EXOC4: variants seen among roughly 807,000 people sequenced by gnomAD.
EXOC4 encodes exocyst complex component 4, also known as SEC8-like 1.
A neutral mutation model predicts 107.2 loss-of-function variants in EXOC4; 71 were observed. The ratio of observed to expected loss-of-function variants is 0.66; its 90% CI spans 0.55 to 0.81. EXOC4 has a LOEUF of 0.81. EXOC4 is among the 30% of genes least tolerant of loss of function. EXOC4 has a pLI of 0.00. For missense variants in EXOC4, 1,108 were observed against 1,189.6 expected, an observed-to-expected ratio of 0.93 and a Z score of 1.01; for synonymous variants, 456 against 441.2, an observed-to-expected ratio of 1.03 and a Z score of -0.42.
At chr7:133,839,682 A>C (rs1797986569) in intron 11 of EXOC4, among the ~76,000 whole-genome samples, 1 of 152,216 alleles carries the variant, frequency 6.6e-6, no homozygotes, top group African/African-American at 2.4e-5. Context: ...TCCTGTAGTG[A>C]CAGGTGCTTT....
At chr7:133,925,013 A>G (rs1585252846) in intron 13 of EXOC4, among the ~76,000 whole-genome samples, 1 of 152,244 alleles carries the variant, frequency 6.6e-6, no homozygotes, top group Admixed American at 6.5e-5. Context: ...GACACTCTTC[A>G]TTGATATTCC....
At chr7:133,589,510 G>T (rs1298219921) in intron 9 of EXOC4, among the ~76,000 whole-genome samples, 3 of 152,186 alleles carry the variant, frequency 2.0e-5, no homozygotes, top group Non-Finnish European at 4.4e-5. Flanking sequence ...AAGTGCTTCA[G>T]GATCTTGATT....
intron 11 of EXOC4, among the ~76,000 whole-genome samples, chr7:133,820,165 T>TTTTTTTTTTTTTTTTA: frequency 6.6e-6 from 1 of 151,062 alleles, no homozygotes. Flanking sequence ...TTTTTTTTTT[T>TTTTTTTTTTTTTTTTA]TTTTTTTTTT....
At chr7:134,008,383 A>G (rs1794692697) in intron 17 of EXOC4, among the ~76,000 whole-genome samples, 1 of 152,136 alleles carries the variant, frequency 6.6e-6, no homozygotes, top group Non-Finnish European at 1.5e-5. Context: ...CTCCTTGAAA[A>G]CGTTACTTTT....
At chr7:133,898,270 T>C (rs1042369450) in intron 12 of EXOC4, among the ~76,000 whole-genome samples, 1 of 152,072 alleles carries the variant, frequency 6.6e-6, no homozygotes, top group African/African-American at 2.4e-5. Context: ...ATATAGTTTT[T>C]CAAAATTATT....
intron 12 of EXOC4, among the ~76,000 whole-genome samples, chr7:133,915,766 G>A (rs1799795737): frequency 6.6e-6 from 1 of 152,160 alleles, no homozygotes; most frequent in Non-Finnish European, 1.5e-5. Context: ...AGAGGGAATA[G>A]AAAATAGTAG....
At chr7:133,785,676 G>T (rs1164472464) in intron 10 of EXOC4, among the ~76,000 whole-genome samples, 16 of 37,190 alleles carry the variant, frequency 4.3e-4, no homozygotes, top group South Asian at 2.7e-3. Context: ...TTTTGTTTTT[G>T]TTTTTGTTTT....
chr7:133,482,347 G>A (rs1172667014), intron 9 of EXOC4, among the ~76,000 whole-genome samples: 3 of 152,038 alleles, frequency 2.0e-5, no homozygotes, highest in Non-Finnish European at 4.4e-5. Flanking sequence ...TAGTGAACAG[G>A]CAGAGCATGT....
At chr7:133,601,015 T>C (rs947962318) in intron 9 of EXOC4, among the ~76,000 whole-genome samples, 2 of 152,202 alleles carry the variant, frequency 1.3e-5, no homozygotes, top group African/African-American at 4.8e-5. Flanking sequence ...CAGGGAATAA[T>C]CCTGGGTTGT....
At chr7:134,019,076 C>T (rs897015827) in intron 17 of EXOC4, among the ~76,000 whole-genome samples, 3 of 152,082 alleles carry the variant, frequency 2.0e-5, no homozygotes, top group South Asian at 2.1e-4. Flanking sequence ...ATTAAAGGCA[C>T]GCGCCACTAC....
chr7:133,898,958 A>G (rs1053863721), intron 12 of EXOC4, among the ~76,000 whole-genome samples: 2 of 151,056 alleles, frequency 1.3e-5, no homozygotes, highest in East Asian at 3.9e-4. Context: ...AGACTGGATG[A>G]CAGAGTGAGA....
At chr7:133,825,309 G>T (rs1312953571) in intron 11 of EXOC4, among the ~76,000 whole-genome samples, 1 of 152,096 alleles carries the variant, frequency 6.6e-6, no homozygotes, top group Non-Finnish European at 1.5e-5. Context: ...AGGTTGCAGT[G>T]AGCAATGATC....
intron 6 of EXOC4, among the ~76,000 whole-genome samples, chr7:133,357,553 A>G (rs1199006644): frequency 6.6e-6 from 1 of 152,222 alleles, no homozygotes; most frequent in Non-Finnish European, 1.5e-5. Flanking sequence ...ACTATCATAT[A>G]CTAACAGATC....
intron 4 of EXOC4, among the ~76,000 whole-genome samples, chr7:133,314,383 G>A (rs1794943557): frequency 6.6e-6 from 1 of 152,122 alleles, no homozygotes; most frequent in African/African-American, 2.4e-5. Context: ...TGCTCACCAA[G>A]GAGAAAATTG....
chr7:133,308,058 G>A (rs564249604), intron 4 of EXOC4, among the ~76,000 whole-genome samples: 19 of 152,316 alleles, frequency 1.2e-4, no homozygotes, highest in African/African-American at 3.1e-4. Flanking sequence ...AGAAATTTAA[G>A]TCTTTAAAGC....
chr7:134,078,228 A>G, the EXOC4 span, among the ~76,000 whole-genome samples: 2 of 151,986 alleles, frequency 1.3e-5, no homozygotes, highest in African/African-American at 2.4e-5. Flanking sequence ...GCTCAGATAC[A>G]TAGGTCTTAA....
intron 2 of EXOC4, among the ~76,000 whole-genome samples, chr7:133,287,565 G>A (rs192820946): frequency 0.015 from 2,212 of 152,096 alleles, 24 homozygotes; most frequent in Non-Finnish European, 0.024. Flanking sequence ...CACCCGCCTC[G>A]GCCTCCCAAA....
intron 7 of EXOC4, among the ~76,000 whole-genome samples, chr7:133,384,728 G>A (rs1352389824): frequency 2.1e-5 from 2 of 95,878 alleles, no homozygotes; most frequent in African/African-American, 3.5e-5. Context: ...TTTTTTTTAA[G>A]CGTATTTAAA....
At chr7:133,770,557 G>A (rs1379540632) in intron 10 of EXOC4, among the ~76,000 whole-genome samples, 1 of 151,942 alleles carries the variant, frequency 6.6e-6, no homozygotes, top group Non-Finnish European at 1.5e-5. Context: ...CAGCAAGTGT[G>A]CTTTTGCTAA....
Sources: gnomAD v4.1 joint callset for allele counts (sites outside exome capture counted in the v4.1 genomes callset) on GRCh38, gnomAD v4.1.1 for gene constraint, MANE v1.5 for transcripts, NCBI Gene and HGNC (gene_info 2026-07-23, HGNC 2026-07-21) for gene names.